The following STYXL2 variants were observed in gnomAD, a reference collection of about 807,000 sequenced individuals.
STYXL2 encodes serine/threonine/tyrosine interacting like 2, also known as serine/threonine/tyrosine-interacting-like protein 2.
A neutral mutation model predicts 52.4 loss-of-function variants in STYXL2; 44 were observed. The ratio of observed to expected loss-of-function variants is 0.84; its 90% CI spans 0.66 to 1.08. The LOEUF (loss-of-function observed/expected upper bound fraction) is 1.08. STYXL2 is among the 50% of genes least tolerant of loss of function. STYXL2 has a pLI of 0.00. For missense variants in STYXL2, 1,604 were observed against 1,471.7 expected (o/e 1.09, Z -1.47); for synonymous variants, 604 against 586.9 (o/e 1.03, Z -0.42).
intron 2 of STYXL2, among the ~76,000 whole-genome samples, chr1:167,108,999 G>A (rs962694134): frequency 6.6e-6 from 1 of 152,142 alleles, no homozygotes; most frequent in Admixed American, 6.5e-5. Flanking sequence ...GAAGCAGCAG[G>A]AAGAGCCCTG....
At chr1:167,106,729 T>C (rs1667512245) in intron 2 of STYXL2, among the ~76,000 whole-genome samples, 1 of 152,190 alleles carries the variant, frequency 6.6e-6, no homozygotes, top group South Asian at 2.1e-4. Context: ...GCTCAGAATG[T>C]CCACCAGGTC....
Position 167,126,471 on chromosome 1 carries a change from A to G in STYXL2, c.1340A>G (p.Asp447Gly). Reference protein sequence around the residue: ...SSAWESVSSHDIWVLKQQLEL... With the variant: ...SSAWESVSSHGIWVLKQQLEL... ...GCCTGGGAGAGCGTGAGCAGCCACG[A>G]CATCTGGGTCCTGAAGCAGCAGCTG... The change falls in exon 6 of 6, where the codon GAC becomes GGC. Residue 447 changes from aspartate (D) to glycine (G), a missense_variant. Coordinates refer to ENST00000361200, the MANE Select transcript of STYXL2 (RefSeq NM_001080426.3). The G allele has an allele frequency of 6.2e-7, 1 of 1,600,486 alleles. No individual in the cohort carries two copies. The highest frequency in any genetic ancestry group is 1.7e-4 in the Middle Eastern group (1 of 6,024).
At chr1:167,107,944 C>A (rs1005706020) in intron 2 of STYXL2, among the ~76,000 whole-genome samples, 5 of 152,138 alleles carry the variant, frequency 3.3e-5, no homozygotes, top group Non-Finnish European at 7.4e-5. Flanking sequence ...AACCATCAGG[C>A]TGCAGAAATG....
intron 2 of STYXL2, 146 bp from the exon 3 acceptor site, chr1:167,113,564 T>C (rs1167437626): frequency 1.5e-6 from 1 of 662,164 alleles, no homozygotes; most frequent in African/African-American, 1.8e-5. Context: ...TCTGTATTCT[T>C]GGGTCCTTAA....
At chr1:167,101,293 TA>T (rs553369454) in intron 2 of STYXL2, among the ~76,000 whole-genome samples, 327 of 152,308 alleles carry the variant, frequency 2.1e-3, no homozygotes, top group African/African-American at 7.3e-3. Flanking sequence ...ACATTACTAT[TA>T]AAATATCTGA....
chr1:167,125,755 T>C, intron 5 of STYXL2, 32 bp from the exon 6 acceptor site: 1 of 1,549,948 alleles, frequency 6.5e-7, no homozygotes, highest in Non-Finnish European at 8.7e-7. Context: ...GCCACTGTCA[T>C]TACATCATTT....
chr1:167,125,980 A>G lies in STYXL2; in HGVS notation c.849A>G (p.Glu283=). 6.2e-7 allele frequency: 1 copy of G among 1,613,294 alleles called. No homozygotes were observed. Among genetic ancestry groups the G allele is most frequent in the East Asian group, 2.2e-5 (1 of 44,778 alleles). The change falls in exon 6 of 6, where the codon GAA becomes GAG. Residue 283 remains glutamate (E), a synonymous_variant. Transcript: ENST00000361200. ...ELNEKLMEER[E]EDYGREGGSA... ...ATGAGAAGTTGATGGAGGAGAGAGA[A>G]GAGGACTATGGCCGGGAGGGGGGAT...
chr1:167,128,283 G>A lies in STYXL2; in HGVS notation c.3152G>A (p.Arg1051Lys). 1 of 1,614,190 alleles carries A rather than the reference G, an allele frequency of 6.2e-7. No homozygotes were observed. The highest frequency in any genetic ancestry group is 8.5e-7 in the Non-Finnish European group (1 of 1,180,024). ...FFRRTPESSE[R>K]EESPEPQRPN... ...CGCCGGACCCCAGAGTCCTCAGAAAGGGAAGAGTCCCCAGAACCACAGCGC... is the reference window on the plus strand; with the variant it reads ...CGCCGGACCCCAGAGTCCTCAGAAAAGGAAGAGTCCCCAGAACCACAGCGC... Residue 1051 changes from arginine (R) to lysine (K), a missense_variant, in exon 6 of 6, where the codon AGG (arginine) becomes AAG (lysine). Arg to Lys is a conservative substitution (Grantham distance 26). Coordinates refer to ENST00000361200, the MANE Select transcript of STYXL2 (RefSeq NM_001080426.3).
intron 2 of STYXL2, among the ~76,000 whole-genome samples, chr1:167,109,209 C>T (rs904189102): frequency 1.3e-4 from 20 of 152,170 alleles, no homozygotes; most frequent in Non-Finnish European, 1.2e-4. Context: ...CAAACAAGAG[C>T]ACAGAAGCCA....
intron 2 of STYXL2, among the ~76,000 whole-genome samples, chr1:167,104,661 C>T (rs981696935): frequency 2.0e-5 from 3 of 152,196 alleles, no homozygotes; most frequent in Admixed American, 2.0e-4. Context: ...TGCTAAAAAT[C>T]TATTTTCTTC....
At chr1:167,095,065 C>CATTTAACAAAT in intron 2 of STYXL2, 106 bp downstream of exon 2, 1 of 750,400 alleles carries the variant, frequency 1.3e-6, no homozygotes, top group Non-Finnish European at 2.2e-6. Context: ...TCGGTTCACT[C>CATTTAACAAAT]ATTTAACAAA....
At position 167,094,855 on chromosome 1, in the gene STYXL2, G is replaced by C; in HGVS notation, c.6G>C (p.Ala2=). ...TCAGAGGTTGGCAGGTTGTCATGGCGACCAGAAAGGACACAGAGGAGGAGC... is the reference window on the plus strand; with the variant it reads ...TCAGAGGTTGGCAGGTTGTCATGGCCACCAGAAAGGACACAGAGGAGGAGC... M[A]TRKDTEEEQV... The change falls in exon 2 of 6, where the codon GCG becomes GCC. Residue 2 remains alanine (A), a synonymous_variant. Coordinates refer to ENST00000361200, the MANE Select transcript of STYXL2 (RefSeq NM_001080426.3). 6.2e-7 allele frequency: 1 copy of C among 1,612,882 alleles called. No homozygotes were observed. The highest frequency in any genetic ancestry group is 8.5e-7 in the Non-Finnish European group (1 of 1,179,612).
intron 5 of STYXL2, among the ~76,000 whole-genome samples, chr1:167,122,522 T>A (rs1260906435): frequency 6.6e-6 from 1 of 152,020 alleles, no homozygotes; most frequent in African/African-American, 2.4e-5. Flanking sequence ...GGATACCTTC[T>A]GAAGAAAGGG....
intron 5 of STYXL2, among the ~76,000 whole-genome samples, chr1:167,124,876 C>A (rs960852674): frequency 6.6e-6 from 1 of 151,160 alleles, no homozygotes. Context: ...TGGGGAAGGG[C>A]CCATTCTACT....
At chr1:167,101,963 G>A (rs555930569) in intron 2 of STYXL2, among the ~76,000 whole-genome samples, 2 of 152,008 alleles carry the variant, frequency 1.3e-5, no homozygotes, top group Non-Finnish European at 2.9e-5. Context: ...ATACTATACA[G>A]CAACGAAAAG....
intron 5 of STYXL2, among the ~76,000 whole-genome samples, chr1:167,122,493 C>A (rs1036445938): frequency 6.6e-6 from 1 of 151,776 alleles, no homozygotes; most frequent in Non-Finnish European, 1.5e-5. Flanking sequence ...GGCTTCTGGG[C>A]AAATACAGGT....
chr1:167,127,051 C>A lies in STYXL2; in HGVS notation c.1920C>A (p.Ser640Arg). 3 of 1,610,072 alleles carry A rather than the reference C, an allele frequency of 1.9e-6. No individual in the cohort carries two copies. Among genetic ancestry groups the A allele is most frequent in the Non-Finnish European group, 2.5e-6 (3 of 1,177,522 alleles). Residue 640 changes from serine to arginine, a missense_variant, in exon 6 of 6, where the codon AGC (serine) becomes AGA (arginine). By Grantham distance (110) the Ser-to-Arg change is moderately radical. Coordinates refer to ENST00000361200, the MANE Select transcript of STYXL2 (RefSeq NM_001080426.3). ...GAAGCCGGCAGACGCTGGAGGAGAG[C>A]CAGTCTATGGCAAGCTGGGAGGCGG... ...LERSRQTLEESQSMASWEADS... is the reference protein window; with the variant it reads ...LERSRQTLEERQSMASWEADS...
rs370847886 is a variant in STYXL2, at chr1:167,127,185, G to T, written c.2054G>T (p.Arg685Leu). Residue 685 changes from arginine to leucine, a missense_variant, in exon 6 of 6, where the codon CGC (arginine) becomes CTC (leucine). Physicochemically the swap from Arg to Leu is moderately radical, Grantham distance 102. Coordinates refer to ENST00000361200, the MANE Select transcript of STYXL2 (RefSeq NM_001080426.3). ...TTSVLSTQSH[R>L]SHLSQAASNI... ...TCAGTACTGAGCACCCAGAGCCACC[G>T]CTCCCACCTGTCTCAGGCTGCAAGC... The T allele has an allele frequency of 5.6e-6, 9 of 1,613,982 alleles. No individual in the cohort carries two copies. The African/African-American group carries it at 1.1e-4, about 19-fold the overall frequency.
In STYXL2 at chr1:167,127,340, C is replaced by G; in HGVS notation, c.2209C>G (p.Gln737Glu). ...CAATGTAGTCAGTGAGACCCTTGCTCAGAAGCAAAATGAAATGCTGCTGTT... is the reference window on the plus strand; with the variant it reads ...CAATGTAGTCAGTGAGACCCTTGCTGAGAAGCAAAATGAAATGCTGCTGTT... Reference protein sequence around the residue: ...IANVVSETLAQKQNEMLLLSR... With the variant: ...IANVVSETLAEKQNEMLLLSR... The change falls in exon 6 of 6, where the codon CAG (glutamine) becomes GAG (glutamate). Residue 737 changes from glutamine to glutamate, a missense_variant. Gln to Glu is a conservative substitution (Grantham distance 29). Coordinates refer to ENST00000361200, the MANE Select transcript of STYXL2 (RefSeq NM_001080426.3). The G allele has an allele frequency of 6.2e-7, 1 of 1,614,190 alleles. No individual in the cohort carries two copies. The highest frequency in any genetic ancestry group is 8.5e-7 in the Non-Finnish European group (1 of 1,180,046).
Sources: gnomAD v4.1 joint callset for allele counts (sites outside exome capture counted in the v4.1 genomes callset) on GRCh38, gnomAD v4.1.1 for gene constraint, MANE v1.5 for transcripts, NCBI Gene and HGNC (gene_info 2026-07-23, HGNC 2026-07-21) for gene names.